The following TENM3 variants were observed in gnomAD, a reference collection of about 807,000 sequenced individuals.
TENM3 encodes teneurin transmembrane protein 3, also known as teneurin-3.
TENM3 carries 63 observed loss-of-function variants against 255.1 expected under a neutral mutation model. The ratio of observed to expected loss-of-function variants is 0.25; its 90% CI spans 0.20 to 0.30. The LOEUF (loss-of-function observed/expected upper bound fraction) is 0.30. Among genes scored for constraint, TENM3 ranks in the 10% least tolerant of loss-of-function variants. The pLI is 1.00. For synonymous variants in TENM3, 1,306 were observed against 1,322.3 expected, an observed-to-expected ratio of 0.99 and a Z score of 0.27; for missense variants, 2,929 against 3,461.1, an observed-to-expected ratio of 0.85 and a Z score of 3.86.
In TENM3 at chr4:182,743,402, A is replaced by G; in HGVS notation, c.3612A>G (p.Thr1204=). 6.2e-7 allele frequency: 1 copy of G among 1,613,890 alleles called. No individual in the cohort carries two copies. The highest frequency in any genetic ancestry group is 8.5e-7 in the Non-Finnish European group (1 of 1,179,810). ...VRRIFPSGNV[T]SVLELSSNPA... is the part of the protein sequence containing the mutation. ...GGATATTCCCTTCTGGAAATGTAAC[A>G]AGTGTCTTAGAACTAAGGTACGTCT... Residue 1204 remains threonine, a synonymous_variant, in exon 19 of 28, where the codon ACA becomes ACG. Transcript: ENST00000511685.
chr4:182,406,712 C>A (rs1769608019), intron 3 of TENM3, among the ~76,000 whole-genome samples: 1 of 152,326 alleles, frequency 6.6e-6, no homozygotes, highest in East Asian at 1.9e-4. Flanking sequence ...AACTCCTTCA[C>A]GTGTATCTGC....
rs555488380 is a variant in TENM3, at chr4:182,606,555, G to A, written c.749+5394G>A. Among the ~76,000 whole-genome samples, 1,231 of 147,758 alleles carry A rather than the reference G, an allele frequency of 8.3e-3. 14 individuals are homozygous for A. Among genetic ancestry groups the A allele is most frequent in the Middle Eastern group, 0.032 (9 of 284 alleles). ...AAAAAAAAAAAAAAAAAAAGGTAGC[G>A]TATATAAAATATGGTCCTGAATTTA... On this transcript the variant is annotated intron_variant, in intron 4 of 27. Coordinates refer to ENST00000511685, the MANE Select transcript of TENM3 (RefSeq NM_001080477.4).
chr4:181,721,292 G>A, the TENM3 span, among the ~76,000 whole-genome samples: 1 of 151,736 alleles, frequency 6.6e-6, no homozygotes, highest in African/African-American at 2.4e-5. Context: ...CCCTTATCCT[G>A]AAAGCTGAGC....
chr4:181,926,707 C>T, the TENM3 span, among the ~76,000 whole-genome samples: 2 of 151,934 alleles, frequency 1.3e-5, no homozygotes, highest in Non-Finnish European at 2.9e-5. Context: ...AAGATATGGT[C>T]CTGGTGTGGC....
chr4:182,739,389 G>T (rs577549141), intron 18 of TENM3, among the ~76,000 whole-genome samples: 4 of 152,248 alleles, frequency 2.6e-5, no homozygotes, highest in African/African-American at 9.6e-5. Flanking sequence ...CAACCTGAAG[G>T]GTGCTTTGCT....
At chr4:182,684,615 C>T (rs1756434683) in intron 11 of TENM3, among the ~76,000 whole-genome samples, 1 of 151,994 alleles carries the variant, frequency 6.6e-6, no homozygotes, top group East Asian at 1.9e-4. Flanking sequence ...CTTAGAATAG[C>T]ACCTTAGACA....
chr4:181,853,190 A>G, the TENM3 span, among the ~76,000 whole-genome samples: 7 of 152,226 alleles, frequency 4.6e-5, no homozygotes, highest in African/African-American at 1.4e-4. Context: ...TTGATCTCTA[A>G]CTGTGGCTCT....
intron 1 of TENM3, among the ~76,000 whole-genome samples, chr4:182,217,056 T>A (rs1350837409): frequency 8.8e-5 from 11 of 124,432 alleles, no homozygotes; most frequent in Admixed American, 4.0e-4. Flanking sequence ...AGAGTCTCAC[T>A]CTGTCCCAGG....
At chr4:181,541,245 T>C in the TENM3 span, among the ~76,000 whole-genome samples, 1 of 151,936 alleles carries the variant, frequency 6.6e-6, no homozygotes, top group Non-Finnish European at 1.5e-5. Context: ...AAGCCAGGCA[T>C]GGTGGCATGC....
Position 182,793,472 on chromosome 4 carries a change from G to A in TENM3, c.6800G>A (p.Ser2267Asn). The A allele has an allele frequency of 1.2e-6, 2 of 1,613,934 alleles. No individual in the cohort carries two copies. Among genetic ancestry groups the A allele is most frequent in the Non-Finnish European group, 8.5e-7 (1 of 1,179,874 alleles). Residue 2267 changes from serine to asparagine, a missense_variant, in exon 26 of 28, where the codon AGT (serine) becomes AAT (asparagine). Physicochemically the swap from Ser to Asn is conservative, Grantham distance 46 (BLOSUM62 1). Around this residue, in one of 6 missense-constraint regions of TENM3, gnomAD observed 256 missense variants for 389.3 expected, o/e 0.66. Coordinates refer to ENST00000511685, the MANE Select transcript of TENM3 (RefSeq NM_001080477.4). This position sits in a 1 kb window ranked among gnomAD's most constrained non-coding sequence, Gnocchi z 5.7. Reference protein sequence around the residue: ...TRITHVYNHSSSEITSLYYDL... With the variant: ...TRITHVYNHSNSEITSLYYDL... Reference sequence around the variant, plus strand: ...ATTACTCATGTCTACAACCATTCGAGTTCAGAAATTACCTCCCTGTATTAT... The same window carrying A: ...ATTACTCATGTCTACAACCATTCGAATTCAGAAATTACCTCCCTGTATTAT...
chr4:182,623,172 G>A (rs1285673815), intron 4 of TENM3, among the ~76,000 whole-genome samples: 1 of 151,640 alleles, frequency 6.6e-6, no homozygotes. Context: ...CACCACGCCC[G>A]GCTAAATTTT....
At chr4:182,075,793 C>A in the TENM3 span, among the ~76,000 whole-genome samples, 1 of 152,218 alleles carries the variant, frequency 6.6e-6, no homozygotes, top group African/African-American at 2.4e-5. Context: ...TCTCACTCTA[C>A]AAAGTTTCAT....
the TENM3 span, among the ~76,000 whole-genome samples, chr4:181,979,206 T>C: frequency 7.2e-6 from 1 of 139,860 alleles, no homozygotes; most frequent in Non-Finnish European, 1.5e-5. Flanking sequence ...CAGCTTGAAA[T>C]TTATGGCACT....
the TENM3 span, among the ~76,000 whole-genome samples, chr4:181,597,754 C>T: frequency 6.6e-6 from 1 of 152,082 alleles, no homozygotes; most frequent in Non-Finnish European, 1.5e-5. Flanking sequence ...TAGACAAGTC[C>T]AAAATGTTTC....
At chr4:182,059,809 TGTA>T in the TENM3 span, among the ~76,000 whole-genome samples, 1 of 149,526 alleles carries the variant, frequency 6.7e-6, no homozygotes, top group African/African-American at 2.5e-5. Context: ...AGTGCACACC[TGTA>T]GTCCCAGCTA....
the TENM3 span, among the ~76,000 whole-genome samples, chr4:181,487,073 C>T: frequency 6.6e-6 from 1 of 152,000 alleles, no homozygotes; most frequent in Non-Finnish European, 1.5e-5. Context: ...GATGCGCATA[C>T]CATATAAAAG....
chr4:182,091,417 G>C, the TENM3 span, among the ~76,000 whole-genome samples: 2 of 152,186 alleles, frequency 1.3e-5, no homozygotes, highest in Non-Finnish European at 2.9e-5. Flanking sequence ...GCAACCCCTA[G>C]GGCTGAGGTA....
At chr4:182,138,893 T>C in the TENM3 span, among the ~76,000 whole-genome samples, 1 of 152,214 alleles carries the variant, frequency 6.6e-6, no homozygotes, top group Non-Finnish European at 1.5e-5. Flanking sequence ...TTTAAAACGA[T>C]GTCCCATTAA....
At chr4:182,723,406 A>G (rs966804331) in intron 13 of TENM3, among the ~76,000 whole-genome samples, 1 of 152,198 alleles carries the variant, frequency 6.6e-6, no homozygotes, top group African/African-American at 2.4e-5. Flanking sequence ...TGAAACTTGG[A>G]AGTTGAGGGG....
Sources: allele counts gnomAD v4.1 joint callset (sites outside exome capture counted in the v4.1 genomes callset), GRCh38; gene constraint gnomAD v4.1.1; regional missense constraint gnomAD v4.1.1; non-coding constraint Gnocchi (gnomAD v3.1); transcripts MANE v1.5; gene names NCBI Gene and HGNC (gene_info 2026-07-23, HGNC 2026-07-21).